The following RPS24 variants were observed in gnomAD, a reference collection of about 807,000 sequenced individuals.
RPS24 encodes the protein small ribosomal subunit protein eS24.
For synonymous variants in RPS24, 72 were observed against 55.6 expected, an observed-to-expected ratio of 1.30 and a Z score of -1.31; for missense variants, 100 against 162.5, an observed-to-expected ratio of 0.62 and a Z score of 2.09.
At chr10:78,037,902 C>CTTTTTTTTTTTTTTTTTTTTTTTTT (rs55902139) in intron 4 of RPS24, 66 of 379,918 alleles carry the variant, frequency 1.7e-4, no homozygotes, top group South Asian at 3.6e-4. Context: ...GTTCTGTGAA[C>CTTTTTTTTTTTTTTTTTTTTTTTTT]TTTTTTTTTT....
downstream of RPS24, among the ~76,000 whole-genome samples, chr10:78,041,905 G>A (rs35484812): frequency 6.6e-6 from 1 of 152,242 alleles, no homozygotes; most frequent in African/African-American, 2.4e-5. Flanking sequence ...ACGAAGTGGG[G>A]AGGCTTTTCT....
chr10:78,052,898 T>A (rs1344836426), intron 4 of RPS24, among the ~76,000 whole-genome samples: 1 of 152,122 alleles, frequency 6.6e-6, no homozygotes, highest in Admixed American at 6.6e-5. Context: ...ATGCCTATAA[T>A]CCCAGCACTT....
chr10:78,035,672 T>C lies in RPS24; in HGVS notation c.231T>C (p.Asp77=). The change falls in exon 3 of 6, where the codon GAT becomes GAC. Residue 77 remains aspartate, a synonymous_variant. Transcript: ENST00000372360. ...CAACTGGCTTTGGCATGATTTATGA[T>C]TCCCTGGATTATGCAAAGAAAAATG... ...GKTTGFGMIY[D]SLDYAKKNEP... 9 of 1,605,102 alleles carry C rather than the reference T, an allele frequency of 5.6e-6. No individual in the cohort carries two copies. The highest frequency in any genetic ancestry group is 7.6e-6 in the Non-Finnish European group (9 of 1,179,938).
At chr10:78,053,184 AAC>A (rs1323119315) in intron 4 of RPS24, among the ~76,000 whole-genome samples, 3 of 80,756 alleles carry the variant, frequency 3.7e-5, no homozygotes, top group East Asian at 4.0e-4. Flanking sequence ...CAACAACAAC[AAC>A]AAAAAAAAAA....
At chr10:78,046,346 C>CTTTTTTTT (rs57003851) in intron 4 of RPS24, among the ~76,000 whole-genome samples, 2,774 of 125,994 alleles carry the variant, frequency 0.022, 292 homozygotes, top group African/African-American at 0.087. Flanking sequence ...TCTCATTTAC[C>CTTTTTTTT]TTTTTTTTTT....
chr10:78,054,925 A>T (rs1848136098), exon 5 of RPS24: 2 of 1,519,282 alleles, frequency 1.3e-6, no homozygotes, highest in South Asian at 2.5e-5. Flanking sequence ...CAGGCCATCA[A>T]CAAGTCTTTT....
At chr10:78,054,575 C>T (rs1467182763) in exon 5 of RPS24, 1 of 1,547,654 alleles carries the variant, frequency 6.5e-7, no homozygotes, top group Non-Finnish European at 8.7e-7. Context: ...GAAGAATTTC[C>T]CAGGAAGAGA....
rs376826449 is a variant in RPS24, at chr10:78,033,889, A to T, written c.-13A>T. On this transcript the variant is annotated 5_prime_UTR_variant, in exon 1 of 6. Transcript: ENST00000372360. ...TCTTTTCCTCCTTGGCTGTCTGAAG[A>T]TAGATCGCCATCATGGTGAGTCTCC... is the stretch of plus-strand genomic sequence containing the variant. 6.2e-7 allele frequency: 1 copy of T among 1,614,062 alleles called. No homozygotes were observed. The highest frequency in any genetic ancestry group is 8.5e-7 in the Non-Finnish European group (1 of 1,179,988).
chr10:78,053,186 C>A (rs199729669), intron 4 of RPS24, among the ~76,000 whole-genome samples: 11,316 of 140,414 alleles, frequency 0.081, 776 homozygotes, highest in East Asian at 0.23. Context: ...ACAACAACAA[C>A]AAAAAAAAAA....
intron 4 of RPS24, among the ~76,000 whole-genome samples, chr10:78,053,752 G>A (rs1200045548): frequency 2.6e-5 from 4 of 152,230 alleles, no homozygotes; most frequent in Admixed American, 2.6e-4. Flanking sequence ...GGATGAAGGG[G>A]TGTCTCCCAG....
chr10:78,041,960 G>T (rs115226574), downstream of RPS24, among the ~76,000 whole-genome samples: 494 of 152,360 alleles, frequency 3.2e-3, 3 homozygotes, highest in African/African-American at 0.011. Context: ...TCAGCCAGTA[G>T]CCTTGGGAAG....
rs878943232 is a variant in RPS24 at position 78,040,000 on chromosome 10, A to G, written c.391-204A>G. The G allele has an allele frequency of 2.1e-5, 14 of 662,870 alleles. No individual in the cohort carries two copies. The South Asian group carries it at 2.4e-4, about 11-fold the overall frequency. 41.1% of individuals were successfully genotyped at this position (662,870 alleles called of 1,614,324 possible). A position where few individuals can be genotyped will look rare whatever the true frequency, so the allele number is the denominator to read the frequency against. The stretch of plus-strand genomic sequence containing the variant: ...GCATAAGAACTACAGTAATCAGGCA[A>G]GGCATTGTCAGAATTGGGAGGAATA... On this transcript the variant is annotated intron_variant, in intron 4 of 5. Coordinates refer to ENST00000372360, the MANE Select transcript of RPS24 (RefSeq NM_033022.4).
intron 4 of RPS24, among the ~76,000 whole-genome samples, chr10:78,050,276 C>T (rs1234950377): frequency 6.6e-6 from 1 of 152,186 alleles, no homozygotes; most frequent in Non-Finnish European, 1.5e-5. Context: ...GTTAGACCTG[C>T]ATCCTCCTTG....
chr10:78,052,548 TG>T (rs1178849016), intron 4 of RPS24, among the ~76,000 whole-genome samples: 1 of 152,200 alleles, frequency 6.6e-6, no homozygotes, highest in Non-Finnish European at 1.5e-5. Context: ...TGCCTCTAGC[TG>T]CCGCCATGGG....
In RPS24 at chr10:78,037,215, A is replaced by C; in HGVS notation, c.301A>C (p.Lys101Gln). 6.2e-7 allele frequency: 1 copy of C among 1,605,656 alleles called. No individual in the cohort carries two copies. The highest frequency in any genetic ancestry group is 8.5e-7 in the Non-Finnish European group (1 of 1,176,288). Residue 101 changes from lysine to glutamine, a missense_variant, in exon 4 of 6, where the codon AAG (lysine) becomes CAG (glutamine). Lys to Gln is a moderately conservative substitution (Grantham distance 53). Transcript: ENST00000372360. ...LARHGLYEKKKTSRKQRKERK... is the reference protein window; with the variant it reads ...LARHGLYEKKQTSRKQRKERK... ...TCAGCATGGCCTGTATGAGAAGAAA[A>C]AGACCTCAAGAAAGCAACGAAAGGA... is the stretch of plus-strand genomic sequence containing the variant.
In RPS24 at chr10:78,037,223, A is replaced by G; in HGVS notation, c.309A>G (p.Ser103=). ...RHGLYEKKKT[S]RKQRKERKNR... ...GCCTGTATGAGAAGAAAAAGACCTC[A>G]AGAAAGCAACGAAAGGAACGCAAGA... is the stretch of plus-strand genomic sequence containing the variant. Residue 103 remains serine (S), a synonymous_variant, in exon 4 of 6, where the codon TCA becomes TCG. Transcript: ENST00000372360. 2 of 1,607,190 alleles carry G rather than the reference A, an allele frequency of 1.2e-6. No homozygotes were observed. The highest frequency in any genetic ancestry group is 1.1e-5 in the South Asian group (1 of 89,602).
At chr10:78,040,777 A>G, downstream of RPS24, 1 of 981,930 alleles carries the variant, frequency 1.0e-6, no homozygotes, top group Non-Finnish European at 1.6e-6. Flanking sequence ...TTGCTGTCCA[A>G]GTTCACATGC....
At chr10:78,040,790 C>A, downstream of RPS24, 1 of 886,006 alleles carries the variant, frequency 1.1e-6, no homozygotes, top group Non-Finnish European at 1.8e-6. Context: ...TCACATGCTC[C>A]ATGAAGCATT....
At chr10:78,040,505 T>C (rs1847969771) in intron 5 of RPS24, 110 bp from the exon 6 acceptor site, 3 of 845,124 alleles carry the variant, frequency 3.5e-6, no homozygotes, top group Admixed American at 1.8e-5. Flanking sequence ...TAACTTGATA[T>C]TCTAGGTTAC....
Sources: allele counts gnomAD v4.1 joint callset (sites outside exome capture counted in the v4.1 genomes callset), GRCh38; gene constraint gnomAD v4.1.1; transcripts MANE v1.5; gene names NCBI Gene and HGNC (gene_info 2026-07-23, HGNC 2026-07-21).